TRPM3: variants seen among roughly 807,000 people sequenced by gnomAD.
TRPM3 encodes the protein transient receptor potential cation channel subfamily M member 3, also known as long transient receptor potential channel 3.
In TRPM3, 77 loss-of-function variants were observed where a neutral mutation model predicts 181.2. That is an observed-to-expected ratio of 0.42 (90% confidence interval 0.35 to 0.51). The LOEUF is 0.51. TRPM3 is among the 20% of genes least tolerant of loss of function. TRPM3 has a pLI of 0.01. For synonymous variants in TRPM3, 745 were observed against 796.4 expected, an observed-to-expected ratio of 0.94 and a Z score of 1.09; for missense variants, 1,759 against 2,196.7, an observed-to-expected ratio of 0.80 and a Z score of 3.98.
In TRPM3 at chr9:70,850,595, T is replaced by TA. The variant is rs776606182; in HGVS notation, c.463-4005dup. ...TTGTTGCATGCCAATCATACCTCAGTAAAGTGGTTTAAGATAAAGATGAAA... is the reference window on the plus strand; with the variant it reads ...TTGTTGCATGCCAATCATACCTCAGTAAAAGTGGTTTAAGATAAAGATGAAA... On this transcript the variant is annotated intron_variant, in intron 3 of 25. Coordinates refer to ENST00000677713, the MANE Select transcript of TRPM3 (RefSeq NM_001366145.2). Among the ~76,000 whole-genome samples the TA allele has an allele frequency of 4.6e-5, 7 of 152,282 alleles. No individual in the cohort carries two copies. In the East Asian group the frequency reaches 5.8e-4, roughly 13 times the overall value.
intron 8 of TRPM3, among the ~76,000 whole-genome samples, chr9:70,691,288 T>A (rs1396841788): frequency 6.6e-6 from 1 of 152,232 alleles, no homozygotes; most frequent in Non-Finnish European, 1.5e-5. Context: ...GATTCTAGTA[T>A]GTCTTATAAG....
intron 1 of TRPM3, among the ~76,000 whole-genome samples, chr9:71,417,937 AGTTG>A (rs2093662036): frequency 6.6e-6 from 1 of 151,974 alleles, no homozygotes; most frequent in African/African-American, 2.4e-5. Flanking sequence ...AATTTTTTTA[AGTTG>A]ATGATTTTTT....
At chr9:70,954,870 G>A (rs754539810) in intron 1 of TRPM3, among the ~76,000 whole-genome samples, 3 of 152,036 alleles carry the variant, frequency 2.0e-5, no homozygotes, top group Admixed American at 6.6e-5. Flanking sequence ...AAAGAGAGTC[G>A]TTTCCAGGAG....
chr9:70,663,938 A>T (rs112166533), intron 9 of TRPM3, among the ~76,000 whole-genome samples: 3 of 152,228 alleles, frequency 2.0e-5, no homozygotes, highest in East Asian at 1.9e-4. Flanking sequence ...AAATTACTTA[A>T]CCTCTCCAAG....
chr9:70,586,080 G>A (rs552244564), intron 22 of TRPM3, among the ~76,000 whole-genome samples: 13 of 152,198 alleles, frequency 8.5e-5, no homozygotes, highest in Middle Eastern at 3.4e-3. Context: ...CATATCGAGC[G>A]GCTCAGCTCA....
chr9:71,051,189 T>C (rs908536916), intron 1 of TRPM3, among the ~76,000 whole-genome samples: 2 of 152,184 alleles, frequency 1.3e-5, no homozygotes, highest in African/African-American at 2.4e-5. Context: ...AGTATTACTC[T>C]ATAAAGAATC....
chr9:70,980,299 A>G (rs1396271224), intron 1 of TRPM3, among the ~76,000 whole-genome samples: 1 of 152,130 alleles, frequency 6.6e-6, no homozygotes, highest in Non-Finnish European at 1.5e-5. Context: ...CAAAAAAGAA[A>G]GATCTGAGTG....
At chr9:71,234,414 G>A (rs1217660100) in intron 1 of TRPM3, among the ~76,000 whole-genome samples, 1 of 152,132 alleles carries the variant, frequency 6.6e-6, no homozygotes, top group African/African-American at 2.4e-5. Flanking sequence ...AAATTCTGAT[G>A]ACCCATATGT....
chr9:70,648,632 C>CAA (rs61602802), intron 9 of TRPM3, among the ~76,000 whole-genome samples: 149 of 147,866 alleles, frequency 1.0e-3, no homozygotes, highest in African/African-American at 2.9e-3. Flanking sequence ...CATACTAGTA[C>CAA]AAAAAAAAAA....
intron 1 of TRPM3, among the ~76,000 whole-genome samples, chr9:71,318,108 A>T (rs1447347486): frequency 6.6e-6 from 1 of 152,150 alleles, no homozygotes; most frequent in East Asian, 1.9e-4. Flanking sequence ...AAAAAAATAC[A>T]GTGGGGAAAA....
chr9:70,628,007 A>G (rs967997200), intron 12 of TRPM3, among the ~76,000 whole-genome samples: 4 of 152,264 alleles, frequency 2.6e-5, no homozygotes, highest in Admixed American at 6.5e-5. Flanking sequence ...AAGTTTTAAG[A>G]TAGTAACTTT....
chr9:71,031,989 A>ATAATATATATATAT (rs2057403919), intron 1 of TRPM3, among the ~76,000 whole-genome samples: 3 of 436 alleles, frequency 6.9e-3, no homozygotes, highest in African/African-American at 9.3e-3. Context: ...TATATATATT[A>ATAATATATATATAT]TATATATATA....
At chr9:70,664,956 G>A (rs1175558928) in intron 9 of TRPM3, among the ~76,000 whole-genome samples, 3 of 152,096 alleles carry the variant, frequency 2.0e-5, no homozygotes, top group East Asian at 1.9e-4. Flanking sequence ...GCCTAGGAAC[G>A]TACCTCTCAC....
chr9:71,076,964 T>C (rs2063548217), intron 1 of TRPM3, among the ~76,000 whole-genome samples: 1 of 152,130 alleles, frequency 6.6e-6, no homozygotes. Context: ...GAGAATCAAT[T>C]TCCCTGAGAT....
intron 1 of TRPM3, among the ~76,000 whole-genome samples, chr9:71,243,375 T>A (rs2081837191): frequency 6.6e-6 from 1 of 152,228 alleles, no homozygotes; most frequent in African/African-American, 2.4e-5. Flanking sequence ...TCCTTCCATC[T>A]GCTGTCATCT....
Position 71,180,954 on chromosome 9 carries a change from G to A in TRPM3, c.183+265699C>T, listed in dbSNP as rs927425757. Among the ~76,000 whole-genome samples the A allele has an allele frequency of 5.3e-5, 8 of 152,192 alleles. 1 individual carries two copies. Among genetic ancestry groups the A allele is most frequent in the South Asian group, 2.1e-4 (1 of 4,814 alleles). ...GGCCTTTTAGTCGTAGGAGAAGTAC[G>A]TTGCTAGGATAAAAGCAAATGGTTC... On this transcript the variant is annotated intron_variant, in intron 1 of 24. Transcript: ENST00000357533.
chr9:70,865,460 C>T (rs1676920272), intron 1 of TRPM3: 1 of 152,090 alleles, frequency 6.6e-6, no homozygotes, highest in Non-Finnish European at 1.5e-5. Flanking sequence ...TTCTACATGG[C>T]ATCATCTTCT....
intron 1 of TRPM3, among the ~76,000 whole-genome samples, chr9:71,109,238 A>C (rs766837581): frequency 6.6e-6 from 1 of 151,828 alleles, no homozygotes; most frequent in Non-Finnish European, 1.5e-5. Context: ...CCACTGCATA[A>C]GCCAATTCCT....
intron 1 of TRPM3, among the ~76,000 whole-genome samples, chr9:71,329,563 A>C (rs1207321433): frequency 2.0e-5 from 3 of 152,212 alleles, no homozygotes; most frequent in African/African-American, 7.2e-5. Flanking sequence ...TATATTGCAT[A>C]AGGGAGAGGG....
Sources: gnomAD v4.1 joint callset for allele counts (sites outside exome capture counted in the v4.1 genomes callset) on GRCh38, gnomAD v4.1.1 for gene constraint, MANE v1.5 for transcripts, NCBI Gene and HGNC (gene_info 2026-07-23, HGNC 2026-07-21) for gene names.